Variants in NEO1 observed in about 807,000 individuals in gnomAD.
NEO1 encodes the protein neogenin 1.
NEO1 carries 63 observed loss-of-function variants against 159.7 expected under a neutral mutation model. The ratio of observed to expected loss-of-function variants is 0.39; its 90% CI spans 0.32 to 0.49. The LOEUF is 0.49. Ranked by LOEUF, NEO1 falls within the 20% of genes least tolerant of loss-of-function variation. NEO1 has a pLI of 0.85. For synonymous variants in NEO1, 633 were observed against 662.0 expected, an observed-to-expected ratio of 0.96 and a Z score of 0.67; for missense variants, 1,615 against 1,831.0, an observed-to-expected ratio of 0.88 and a Z score of 2.15.
chr15:73,215,706 G>A (rs1012509969), intron 7 of NEO1, among the ~76,000 whole-genome samples: 4 of 152,072 alleles, frequency 2.6e-5, no homozygotes, highest in Non-Finnish European at 5.9e-5. Context: ...ACGGATTTTA[G>A]CATCTATGCT....
At chr15:73,054,995 T>C (rs2067631782) in intron 1 of NEO1, among the ~76,000 whole-genome samples, 1 of 151,934 alleles carries the variant, frequency 6.6e-6, no homozygotes, top group African/African-American at 2.4e-5. Flanking sequence ...TGGAGAAAAA[T>C]AGAGATGTGG....
chr15:73,178,128 T>G (rs2035389838), intron 6 of NEO1, among the ~76,000 whole-genome samples, 179 bp from the exon 7 acceptor site: 1 of 152,186 alleles, frequency 6.6e-6, no homozygotes, highest in African/African-American at 2.4e-5. Flanking sequence ...TTCAGTTAAA[T>G]TGGTACCTTG....
intron 7 of NEO1, among the ~76,000 whole-genome samples, chr15:73,183,619 G>C (rs1279675067): frequency 6.6e-6 from 1 of 152,264 alleles, no homozygotes; most frequent in African/African-American, 2.4e-5. Flanking sequence ...GCCTACCTAA[G>C]ACTGAGGCTG....
chr15:73,120,614 ATTAT>A (rs2071590302), intron 2 of NEO1, among the ~76,000 whole-genome samples: 1 of 150,402 alleles, frequency 6.6e-6, no homozygotes, highest in Non-Finnish European at 1.5e-5. Flanking sequence ...CTATATATAA[ATTAT>A]TTATTTTAAG....
chr15:73,091,272 A>G (rs759661533), intron 1 of NEO1, among the ~76,000 whole-genome samples: 3 of 152,210 alleles, frequency 2.0e-5, no homozygotes, highest in African/African-American at 4.8e-5. Flanking sequence ...TTGAGGTACT[A>G]TGGACATTGG....
Position 73,052,661 on chromosome 15 carries a change from A to G in NEO1, c.-15A>G. 1 of 1,291,502 alleles carries G rather than the reference A, an allele frequency of 7.7e-7. No homozygotes were observed. The highest frequency in any genetic ancestry group is 9.9e-7 in the Non-Finnish European group (1 of 1,013,738). 80.0% of individuals were successfully genotyped at this position (1,291,502 alleles called of 1,614,324 possible). A position where few individuals can be genotyped will look rare whatever the true frequency, so the allele number is the denominator to read the frequency against. ...GGCGCTGTCGCCGCCGCTGCCGCTC[A>G]CTCTCGGGGAAGAGATGGCGGCGGA... On this transcript the variant is annotated 5_prime_UTR_variant, in exon 1 of 29. Transcript: ENST00000261908.
rs751011942 is a variant in NEO1 at position 73,278,169 on chromosome 15, C to T, written c.3232C>T (p.Leu1078=). ...AGGGAAAGGAAGCCGGCTGCCAGAC[C>T]TAGGATCCGACTACAAACCTCCAAT... The part of the protein sequence containing the change: ...SGGKGSRLPD[L]GSDYKPPMSG... Residue 1078 remains leucine (L), a synonymous_variant, in exon 22 of 29, where the codon CTA becomes TTA. Transcript: ENST00000261908. 6.2e-7 allele frequency: 1 copy of T among 1,613,126 alleles called. No individual in the cohort carries two copies. The highest frequency in any genetic ancestry group is 8.5e-7 in the Non-Finnish European group (1 of 1,179,340).
chr15:73,067,526 T>G (rs1334305857), intron 1 of NEO1, among the ~76,000 whole-genome samples: 2 of 151,640 alleles, frequency 1.3e-5, no homozygotes, highest in South Asian at 2.1e-4. Context: ...CTTGGCTCAC[T>G]GCAAACTCTG....
chr15:73,242,920 A>G (rs542207747), intron 8 of NEO1, among the ~76,000 whole-genome samples: 1 of 152,346 alleles, frequency 6.6e-6, no homozygotes, highest in Non-Finnish European at 1.5e-5. Context: ...GGACCTACAC[A>G]GTTCAAACCT....
intron 1 of NEO1, among the ~76,000 whole-genome samples, chr15:73,068,445 C>T (rs1251408855): frequency 2.0e-5 from 3 of 152,056 alleles, no homozygotes; most frequent in Non-Finnish European, 2.9e-5. Context: ...CTCCTGACCT[C>T]AAGTCATCCA....
intron 7 of NEO1, among the ~76,000 whole-genome samples, chr15:73,205,567 C>T (rs2037163225): frequency 6.6e-6 from 1 of 152,122 alleles, no homozygotes; most frequent in South Asian, 2.1e-4. Context: ...AGACTGTGGC[C>T]CCCAGGATTT....
In NEO1 at chr15:73,171,612, C is replaced by CTATTATTAT. The variant is rs10549726; in HGVS notation, c.1016-4755_1016-4747dup. Among the ~76,000 whole-genome samples, 759 of 139,012 alleles carry CTATTATTAT rather than the reference C, an allele frequency of 5.5e-3. 9 individuals carry two copies. Among genetic ancestry groups the CTATTATTAT allele is most frequent in the East Asian group, 0.022 (104 of 4,812 alleles). 91.2% of individuals were successfully genotyped at this position (139,012 alleles called of 152,430 possible). ...CTGGGTAATAGGTGATATTAAGAAA[C>CTATTATTAT]TATTATTATTATTATTATTATTATT... On this transcript the variant is annotated intron_variant, in intron 5 of 28. Transcript: ENST00000261908.
intron 7 of NEO1, among the ~76,000 whole-genome samples, chr15:73,195,236 T>C (rs1251913943): frequency 6.6e-6 from 1 of 152,220 alleles, no homozygotes; most frequent in Non-Finnish European, 1.5e-5. Context: ...TATGCAGTGC[T>C]AAAACACCAG....
intron 10 of NEO1, among the ~76,000 whole-genome samples, 156 bp downstream of exon 10, chr15:73,249,364 A>G (rs563773976): frequency 2.8e-4 from 42 of 152,314 alleles, no homozygotes; most frequent in African/African-American, 8.9e-4. Context: ...ACCAAGATTT[A>G]TTGTGTAGTT....
At chr15:73,189,087 A>G (rs1448465724) in intron 7 of NEO1, among the ~76,000 whole-genome samples, 2 of 152,222 alleles carry the variant, frequency 1.3e-5, no homozygotes, top group African/African-American at 4.8e-5. Context: ...CAACAGAGCA[A>G]GACCACCACC....
chr15:73,215,474 AC>A (rs1156864775), intron 7 of NEO1, among the ~76,000 whole-genome samples: 1 of 152,186 alleles, frequency 6.6e-6, no homozygotes, highest in Non-Finnish European at 1.5e-5. Context: ...TTTGCTGCTA[AC>A]AATTTTAATC....
At chr15:73,169,569 A>G (rs2034811559) in intron 5 of NEO1, among the ~76,000 whole-genome samples, 3 of 151,014 alleles carry the variant, frequency 2.0e-5, no homozygotes, top group African/African-American at 4.9e-5. Flanking sequence ...AACATTGCTT[A>G]TGATGATTTT....
chr15:73,222,690 C>T (rs371542038), intron 7 of NEO1, among the ~76,000 whole-genome samples: 8 of 152,032 alleles, frequency 5.3e-5, no homozygotes, highest in East Asian at 1.9e-4. Flanking sequence ...TTTATCTTTT[C>T]GAAGAACCAT....
At chr15:73,194,112 T>G (rs2036392265) in intron 7 of NEO1, among the ~76,000 whole-genome samples, 1 of 152,210 alleles carries the variant, frequency 6.6e-6, no homozygotes, top group Admixed American at 6.5e-5. Flanking sequence ...GTTGAGCAGT[T>G]GGAGGACTCC....
Sources: allele counts gnomAD v4.1 joint callset (sites outside exome capture counted in the v4.1 genomes callset), GRCh38; gene constraint gnomAD v4.1.1; transcripts MANE v1.5; gene names NCBI Gene and HGNC (gene_info 2026-07-23, HGNC 2026-07-21).